RPSA2: variants seen among roughly 807,000 people sequenced by gnomAD.
The protein encoded by RPSA2 is ribosomal protein SA 2.
chr19:23,846,581 T>C, the RPSA2 span, among the ~76,000 whole-genome samples: 4 of 152,214 alleles, frequency 2.6e-5, no homozygotes, highest in African/African-American at 9.6e-5. Flanking sequence ...CCAGCCTTTA[T>C]TTGTCAGGAT....
At chr19:23,829,900 AT>A in the RPSA2 span, among the ~76,000 whole-genome samples, 1 of 152,084 alleles carries the variant, frequency 6.6e-6, no homozygotes, top group African/African-American at 2.4e-5. Flanking sequence ...GAATTTGCAT[AT>A]TTTTTCTAGA....
At chr19:23,855,577 A>G in the RPSA2 span, among the ~76,000 whole-genome samples, 1 of 152,236 alleles carries the variant, frequency 6.6e-6, no homozygotes, top group Non-Finnish European at 1.5e-5. Flanking sequence ...GAGCAGGAAC[A>G]TGAGACAGAG....
the RPSA2 span, among the ~76,000 whole-genome samples, chr19:23,869,708 T>C: frequency 6.6e-6 from 1 of 152,170 alleles, no homozygotes; most frequent in Admixed American, 6.5e-5. Flanking sequence ...AGCACACCTC[T>C]TCCTCAGTGG....
the RPSA2 span, among the ~76,000 whole-genome samples, chr19:23,839,010 G>A: frequency 6.6e-6 from 1 of 151,640 alleles, no homozygotes; most frequent in Non-Finnish European, 1.5e-5. Flanking sequence ...GGTTTCATTT[G>A]TTCTTGTTTC....
chr19:23,827,672 G>C, the RPSA2 span: 1 of 1,596,626 alleles, frequency 6.3e-7, no homozygotes, highest in South Asian at 1.1e-5. Context: ...AGCTCACTCA[G>C]TGGGTTTGAT....
the RPSA2 span, among the ~76,000 whole-genome samples, chr19:23,822,590 A>G: frequency 3.3e-5 from 5 of 152,188 alleles, no homozygotes; most frequent in East Asian, 3.8e-4. Flanking sequence ...CCTGTTCATC[A>G]TAATAAATAG....
the RPSA2 span, among the ~76,000 whole-genome samples, chr19:23,824,966 G>GTTTTGT: frequency 2.7e-5 from 4 of 150,356 alleles, 1 homozygote; most frequent in African/African-American, 2.5e-5. Context: ...TGTTTGTTTT[G>GTTTTGT]TTTTGTTTTT....
chr19:23,852,345 G>GACAC, the RPSA2 span, among the ~76,000 whole-genome samples: 170 of 151,638 alleles, frequency 1.1e-3, no homozygotes, highest in African/African-American at 4.0e-3. Context: ...AGGAATTAAA[G>GACAC]ACACACACAC....
At chr19:23,777,888 A>G in the RPSA2 span, among the ~76,000 whole-genome samples, 5 of 152,086 alleles carry the variant, frequency 3.3e-5, no homozygotes, top group Admixed American at 6.6e-5. Flanking sequence ...ATATTGTGAC[A>G]TGTCTTTGTG....
At chr19:23,827,531 G>T in the RPSA2 span, 3 of 1,596,994 alleles carry the variant, frequency 1.9e-6, no homozygotes, top group Non-Finnish European at 2.5e-6. Context: ...GCTTCTTGTG[G>T]TTACTGACCC....
At chr19:23,846,688 G>A in the RPSA2 span, among the ~76,000 whole-genome samples, 1 of 152,088 alleles carries the variant, frequency 6.6e-6, no homozygotes, top group African/African-American at 2.4e-5. Flanking sequence ...GTACCATCCT[G>A]TTCTCTTCTG....
chr19:23,818,355 T>G, the RPSA2 span: 1 of 152,306 alleles, frequency 6.6e-6, no homozygotes, highest in Non-Finnish European at 1.5e-5. Context: ...GAAGAGGGAA[T>G]CTGGAGACCA....
At chr19:23,761,026 TAC>T in the RPSA2 span, among the ~76,000 whole-genome samples, 144,847 of 148,602 alleles carry the variant, frequency 0.97, 70,703 homozygotes, top group Middle Eastern at 1. Flanking sequence ...TATATATATA[TAC>T]ACATATATAT....
chr19:23,870,757 C>A, the RPSA2 span, among the ~76,000 whole-genome samples: 1 of 152,148 alleles, frequency 6.6e-6, no homozygotes, highest in Non-Finnish European at 1.5e-5. Flanking sequence ...CCCAACCTGG[C>A]CTTACATTCA....
chr19:23,768,003 G>T, the RPSA2 span, among the ~76,000 whole-genome samples: 10 of 151,962 alleles, frequency 6.6e-5, no homozygotes, highest in African/African-American at 2.4e-4. Flanking sequence ...CTGACCTTAT[G>T]ATCTGCCCAC....
the RPSA2 span, among the ~76,000 whole-genome samples, chr19:23,812,688 T>C: frequency 1.3e-5 from 2 of 152,170 alleles, no homozygotes; most frequent in Non-Finnish European, 2.9e-5. Flanking sequence ...CATTAGCCAC[T>C]GGGCCCGACC....
the RPSA2 span, among the ~76,000 whole-genome samples, chr19:23,864,727 C>G: frequency 1.2e-4 from 18 of 152,126 alleles, no homozygotes; most frequent in African/African-American, 4.3e-4. Flanking sequence ...AATTAGACTA[C>G]TAAATGCACG....
chr19:23,816,019 T>G, the RPSA2 span, among the ~76,000 whole-genome samples: 9 of 151,960 alleles, frequency 5.9e-5, no homozygotes, highest in African/African-American at 1.9e-4. Context: ...TCTGTGGTTT[T>G]CAGCCTATTT....
At chr19:23,840,686 G>A in the RPSA2 span, among the ~76,000 whole-genome samples, 10 of 152,210 alleles carry the variant, frequency 6.6e-5, no homozygotes, top group South Asian at 2.1e-4. Context: ...CGCTGGGCAC[G>A]GTGGCTGACA....
Sources: allele counts gnomAD v4.1 joint callset (sites outside exome capture counted in the v4.1 genomes callset), GRCh38; gene constraint gnomAD v4.1.1; transcripts MANE v1.5; gene names NCBI Gene and HGNC (gene_info 2026-07-23, HGNC 2026-07-21).